Variants in BCL2L11 observed in about 807,000 individuals in gnomAD.
BCL2L11 encodes bcl-2-like protein 11.
Under a neutral mutation model 20.6 loss-of-function variants are expected in BCL2L11, and 15 were observed. The ratio of observed to expected loss-of-function variants is 0.73; its 90% CI spans 0.49 to 1.12. The LOEUF is 1.12. BCL2L11 is among the 50% of genes most tolerant of loss of function. The pLI is 0.00. For synonymous variants in BCL2L11, 108 were observed against 92.8 expected (o/e 1.16, Z -0.94); for missense variants, 292 against 260.9 (o/e 1.12, Z -0.82).
intron 3 of BCL2L11, among the ~76,000 whole-genome samples, chr2:111,154,137 T>C (rs1462891566): frequency 6.6e-6 from 1 of 152,218 alleles, no homozygotes; most frequent in Non-Finnish European, 1.5e-5. Flanking sequence ...TTTTCCCTCT[T>C]TGCACACATG....
intron 3 of BCL2L11, chr2:111,161,533 C>T: frequency 6.5e-7 from 1 of 1,547,780 alleles, no homozygotes; most frequent in South Asian, 1.2e-5. Context: ...GGCATGGCTG[C>T]TGATGATCCG....
intron 3 of BCL2L11, chr2:111,151,717 C>T: frequency 1.1e-6 from 1 of 934,582 alleles, no homozygotes; most frequent in Non-Finnish European, 1.7e-6. Context: ...ATCTTCCTAC[C>T]TTTCTGTGGG....
At chr2:111,129,639 A>G (rs555090820) in intron 2 of BCL2L11, among the ~76,000 whole-genome samples, 3 of 152,174 alleles carry the variant, frequency 2.0e-5, no homozygotes, top group Non-Finnish European at 2.9e-5. Context: ...AGTCCATTTC[A>G]TGTGTCTGTG....
chr2:111,161,429 CACCT>C (rs1255281204), intron 3 of BCL2L11: 10 of 1,550,454 alleles, frequency 6.4e-6, no homozygotes, highest in Non-Finnish European at 8.7e-6. Context: ...ATGCCTCTTC[CACCT>C]GATTAAGAAC....
chr2:111,147,152 A>G (rs1366556858), intron 2 of BCL2L11, among the ~76,000 whole-genome samples: 1 of 152,178 alleles, frequency 6.6e-6, no homozygotes, highest in African/African-American at 2.4e-5. Flanking sequence ...GTATAAGCCT[A>G]GTCTCTAAAC....
Position 111,164,306 on chromosome 2 carries a change from T to A in BCL2L11, c.*75T>A, listed in dbSNP as rs2078922483. On this transcript the variant is annotated 3_prime_UTR_variant, in exon 4 of 4. Coordinates refer to ENST00000393256, the MANE Select transcript of BCL2L11 (RefSeq NM_138621.5). ...ACCAACAAGACCCAGCACCGCGGTC[T>A]CCTGGTGCCATTATTATGCAGCCAG... The A allele has an allele frequency of 9.1e-7, 1 of 1,098,536 alleles. No homozygotes were observed. The highest frequency in any genetic ancestry group is 1.5e-5 in the African/African-American group (1 of 64,864). The allele number at this position is 1,098,536 out of a possible 1,614,324, so 68.0% of individuals were successfully genotyped here.
At chr2:111,152,637 G>A (rs1422617273) in intron 3 of BCL2L11, among the ~76,000 whole-genome samples, 3 of 152,210 alleles carry the variant, frequency 2.0e-5, no homozygotes, top group African/African-American at 7.2e-5. Context: ...AGGCTGTCAA[G>A]GTGGGGAATA....
chr2:111,142,392 G>A, intron 2 of BCL2L11: 1 of 1,550,030 alleles, frequency 6.5e-7, no homozygotes, highest in Non-Finnish European at 8.7e-7. Context: ...CAAAATCAAG[G>A]TGAAAAGTTT....
chr2:111,133,180 C>T (rs1559033939), intron 2 of BCL2L11, among the ~76,000 whole-genome samples: 1 of 152,132 alleles, frequency 6.6e-6, no homozygotes, highest in Non-Finnish European at 1.5e-5. Context: ...ATACTTTACT[C>T]AATCATAAGC....
intron 2 of BCL2L11, chr2:111,144,401 A>C (rs963907757): frequency 1.4e-6 from 2 of 1,406,708 alleles, no homozygotes; most frequent in African/African-American, 1.4e-5. Flanking sequence ...TTTATTTCTG[A>C]GAACCGTCAG....
At chr2:111,142,361 A>G in intron 2 of BCL2L11, 1 of 1,550,602 alleles carries the variant, frequency 6.4e-7, no homozygotes, top group Non-Finnish European at 8.7e-7. Flanking sequence ...AGGGAAGTTC[A>G]GTGGCCACTC....
chr2:111,154,021 C>T (rs1388197980), intron 3 of BCL2L11: 46 of 1,169,802 alleles, frequency 3.9e-5, no homozygotes, highest in Non-Finnish European at 4.7e-5. Context: ...TTTACTACTC[C>T]AGTGGATTTT....
chr2:111,149,463 T>A (rs1381151349), intron 2 of BCL2L11, among the ~76,000 whole-genome samples: 2 of 152,334 alleles, frequency 1.3e-5, no homozygotes, highest in East Asian at 3.9e-4. Context: ...GCAATTATGC[T>A]TTCATTTGGC....
intron 3 of BCL2L11, chr2:111,161,585 G>C (rs1255032302): frequency 1.3e-6 from 2 of 1,514,346 alleles, no homozygotes; most frequent in African/African-American, 2.8e-5. Context: ...TTAGATGCGA[G>C]GAACCACTCA....
At chr2:111,139,164 C>T (rs1014653098) in intron 2 of BCL2L11, among the ~76,000 whole-genome samples, 14 of 152,032 alleles carry the variant, frequency 9.2e-5, no homozygotes, top group African/African-American at 2.7e-4. Context: ...TGGAGGGGGG[C>T]GTGGGAAGAG....
chr2:111,148,449 T>C (rs1371596853), intron 2 of BCL2L11, among the ~76,000 whole-genome samples: 1 of 152,232 alleles, frequency 6.6e-6, no homozygotes, highest in African/African-American at 2.4e-5. Flanking sequence ...TCACCTCATA[T>C]CACATCTACC....
chr2:111,151,727 G>A, intron 3 of BCL2L11: 1 of 983,292 alleles, frequency 1.0e-6, no homozygotes, highest in Admixed American at 2.0e-5. Context: ...CTTTCTGTGG[G>A]GGTGTTTGAG....
chr2:111,125,386 A>G (rs1226658761), intron 2 of BCL2L11, among the ~76,000 whole-genome samples: 3 of 152,374 alleles, frequency 2.0e-5, no homozygotes, highest in Non-Finnish European at 4.4e-5. Context: ...TGTCTTGATC[A>G]GTAGTCAATC....
rs566826544 is a variant in BCL2L11, at chr2:111,133,612, C to G, written c.394+9473C>G. Among the ~76,000 whole-genome samples, 53 of 152,072 alleles carry G rather than the reference C, an allele frequency of 3.5e-4. 1 individual carries two copies. In the South Asian group the frequency reaches 0.01, roughly 29 times the overall value. ...ATTCTATTTCGGTTTACAAATGTGT[C>G]GAGAATTTGTTCTGTAGCTCAGGAT... On this transcript the variant is annotated intron_variant, in intron 2 of 3. Coordinates refer to ENST00000393256, the MANE Select transcript of BCL2L11 (RefSeq NM_138621.5).
Sources: allele counts gnomAD v4.1 joint callset (sites outside exome capture counted in the v4.1 genomes callset), GRCh38; gene constraint gnomAD v4.1.1; transcripts MANE v1.5; gene names NCBI Gene and HGNC (gene_info 2026-07-23, HGNC 2026-07-21).